The following TBL1XR1 variants were observed in gnomAD, a reference collection of about 807,000 sequenced individuals.
TBL1XR1 encodes TBL1X/Y related 1, also known as F-box-like/WD repeat-containing protein TBL1XR1.
A neutral mutation model predicts 66.9 loss-of-function variants in TBL1XR1; 5 were observed. That is an observed-to-expected ratio of 0.07 (90% CI 0.04 to 0.16). TBL1XR1 has a LOEUF of 0.16. Among genes scored for constraint, TBL1XR1 ranks in the 10% least tolerant of loss-of-function variants. The pLI, the probability that TBL1XR1 is intolerant of heterozygous loss-of-function variation, is 1.00. For synonymous variants in TBL1XR1, 210 were observed against 206.0 expected (o/e 1.02, Z -0.17); for missense variants, 238 against 623.2 (o/e 0.38, Z 6.58).
intron 1 of TBL1XR1, among the ~76,000 whole-genome samples, chr3:177,181,238 G>A (rs1213695484): frequency 6.6e-6 from 1 of 152,132 alleles, no homozygotes; most frequent in Non-Finnish European, 1.5e-5. Context: ...TCAGCACTCT[G>A]GGAGGCCACG....
rs550930785 is a variant in TBL1XR1, at chr3:177,136,535, C to A, written c.-121-37994G>T. On this transcript the variant is annotated intron_variant, in intron 1 of 15. Transcript: ENST00000457928. Reference sequence around the variant, plus strand: ...CCTCAAGTGATCCACCCGCCTAGGCCTCCCAAAGTGCTGGGATCGTGGGCA... The same window carrying A: ...CCTCAAGTGATCCACCCGCCTAGGCATCCCAAAGTGCTGGGATCGTGGGCA... Among the ~76,000 whole-genome samples, 118 of 152,334 alleles carry A rather than the reference C, an allele frequency of 7.7e-4. 1 individual carries two copies. The highest frequency in any genetic ancestry group is 2.6e-3 in the African/African-American group (108 of 41,564).
At chr3:177,167,287 A>C (rs1732934281) in intron 1 of TBL1XR1, among the ~76,000 whole-genome samples, 1 of 152,224 alleles carries the variant, frequency 6.6e-6, no homozygotes, top group Admixed American at 6.5e-5. Context: ...GACATTCTGG[A>C]AAAGGCAAAA....
chr3:177,150,951 A>G (rs568942244), intron 1 of TBL1XR1, among the ~76,000 whole-genome samples: 1 of 152,340 alleles, frequency 6.6e-6, no homozygotes, highest in Admixed American at 6.5e-5. Flanking sequence ...GTTGTTCAAA[A>G]CTTAAAACAT....
intron 2 of TBL1XR1, among the ~76,000 whole-genome samples, chr3:177,067,982 G>T (rs1719390263): frequency 6.6e-6 from 1 of 152,120 alleles, no homozygotes; most frequent in Admixed American, 6.5e-5. Flanking sequence ...CTCCATTCTG[G>T]TATCTTTTAG....
chr3:177,021,042 T>C lies in TBL1XR1; in HGVS notation c.*4456A>G, dbSNP rs1254488473. Reference sequence around the variant, plus strand: ...CTTTAACATGTACAAAAACCTGTCATGGGCTGGTTTACACTTTTACAACAG... The same window carrying C: ...CTTTAACATGTACAAAAACCTGTCACGGGCTGGTTTACACTTTTACAACAG... On this transcript the variant is annotated 3_prime_UTR_variant, in exon 16 of 16. Transcript: ENST00000457928. The C allele has an allele frequency of 1.3e-5, 2 of 152,178 alleles. No individual in the cohort carries two copies. The highest frequency in any genetic ancestry group is 2.9e-5 in the Non-Finnish European group (2 of 68,008). 9.4% of individuals were successfully genotyped at this position (152,178 alleles called of 1,614,324 possible).
intron 1 of TBL1XR1, among the ~76,000 whole-genome samples, chr3:177,101,777 A>G (rs1002693294): frequency 6.6e-6 from 1 of 152,228 alleles, no homozygotes; most frequent in African/African-American, 2.4e-5. Flanking sequence ...ATAAACTTAC[A>G]ATACTAAGCT....
chr3:177,025,481 G>A lies in TBL1XR1; in HGVS notation c.*17C>T, dbSNP rs1441249261. 1 of 1,612,060 alleles carries A rather than the reference G, an allele frequency of 6.2e-7. No homozygotes were observed. The highest frequency in any genetic ancestry group is 8.5e-7 in the Non-Finnish European group (1 of 1,179,362). ...TGTACACATTCATAGTCGGTCCATG[G>A]CTTCCAACTAGTAGCGCTATTTCCG... On this transcript the variant is annotated 3_prime_UTR_variant, in exon 16 of 16. Coordinates refer to ENST00000457928, the MANE Select transcript of TBL1XR1 (RefSeq NM_024665.7).
intron 2 of TBL1XR1, among the ~76,000 whole-genome samples, chr3:177,080,571 T>C (rs1721270099): frequency 6.6e-6 from 1 of 152,216 alleles, no homozygotes; most frequent in Non-Finnish European, 1.5e-5. Flanking sequence ...TCTGGTTCTC[T>C]CAAAATAGAA....
intron 1 of TBL1XR1, among the ~76,000 whole-genome samples, chr3:177,192,806 G>T (rs11920602): frequency 0.064 from 9,727 of 152,196 alleles, 925 homozygotes; most frequent in East Asian, 0.49. Context: ...ACACTAACTG[G>T]ATCTTCTTAA....
chr3:177,126,592 T>G (rs1233192520), intron 1 of TBL1XR1, among the ~76,000 whole-genome samples: 1 of 152,132 alleles, frequency 6.6e-6, no homozygotes. Flanking sequence ...ACCTAAGTCA[T>G]CACTTGTAAC....
At chr3:177,137,373 TC>T in intron 1 of TBL1XR1, among the ~76,000 whole-genome samples, 1 of 152,216 alleles carries the variant, frequency 6.6e-6, no homozygotes, top group East Asian at 1.9e-4. Flanking sequence ...GTGCCTGTAG[TC>T]CCGGTTACTC....
chr3:177,162,922 T>G (rs540453758), intron 1 of TBL1XR1, among the ~76,000 whole-genome samples: 1 of 152,210 alleles, frequency 6.6e-6, no homozygotes. Flanking sequence ...GGCAAGAACA[T>G]GGGCAGAGAC....
intron 2 of TBL1XR1, among the ~76,000 whole-genome samples, chr3:177,092,353 C>T (rs1428080886): frequency 6.6e-6 from 1 of 151,984 alleles, no homozygotes; most frequent in East Asian, 1.9e-4. Context: ...CACCAATTTA[C>T]AGAAAATATA....
At chr3:177,058,154 A>AT (rs911087789) in intron 3 of TBL1XR1, among the ~76,000 whole-genome samples, 1 of 152,176 alleles carries the variant, frequency 6.6e-6, no homozygotes, top group Non-Finnish European at 1.5e-5. Flanking sequence ...CAAAGCTTAA[A>AT]TATGACCACA....
intron 2 of TBL1XR1, among the ~76,000 whole-genome samples, chr3:177,071,186 G>A (rs551991198): frequency 3.3e-5 from 5 of 151,838 alleles, no homozygotes; most frequent in East Asian, 3.9e-4. Context: ...ACCCGCCACC[G>A]TGCCCGGCTA....
intron 1 of TBL1XR1, among the ~76,000 whole-genome samples, chr3:177,164,697 T>C (rs1001302637): frequency 6.6e-6 from 1 of 152,166 alleles, no homozygotes; most frequent in African/African-American, 2.4e-5. Context: ...TACAAATAAA[T>C]GGAAAGATGT....
At chr3:177,140,514 G>C (rs1729510804) in intron 1 of TBL1XR1, among the ~76,000 whole-genome samples, 1 of 152,098 alleles carries the variant, frequency 6.6e-6, no homozygotes, top group Admixed American at 6.5e-5. Flanking sequence ...CAAAATAAAG[G>C]CATTTTCAGA....
chr3:177,134,430 T>C (rs1275678414), intron 1 of TBL1XR1, among the ~76,000 whole-genome samples: 1 of 152,188 alleles, frequency 6.6e-6, no homozygotes, highest in Non-Finnish European at 1.5e-5. Flanking sequence ...AGCCTAGTAC[T>C]GTTGCTACTA....
rs530166998 is a variant in TBL1XR1, at chr3:177,068,911, C to T, written c.-45-3889G>A. On this transcript the variant is annotated intron_variant, in intron 2 of 15. Transcript: ENST00000457928. ...CATGATCTAAAGTCAAATGTGTAAT[C>T]GAAATTACTTTATCTTACAAACATA... Among the ~76,000 whole-genome samples the T allele has an allele frequency of 8.7e-4, 133 of 152,230 alleles. 4 individuals carry two copies. The South Asian group carries it at 0.013, about 15-fold the overall frequency.
Sources: allele counts gnomAD v4.1 joint callset (sites outside exome capture counted in the v4.1 genomes callset), GRCh38; gene constraint gnomAD v4.1.1; transcripts MANE v1.5; gene names NCBI Gene and HGNC (gene_info 2026-07-23, HGNC 2026-07-21).